The following PRIM2 variants were observed in gnomAD, a reference collection of about 807,000 sequenced individuals.
PRIM2 encodes DNA primase subunit 2, also known as DNA primase large subunit.
Under a neutral mutation model 67.3 loss-of-function variants are expected in PRIM2, and 39 were observed. That is an observed-to-expected ratio of 0.58 (90% CI 0.45 to 0.76). PRIM2 has a LOEUF of 0.76. PRIM2 is among the 30% of genes least tolerant of loss of function. PRIM2 has a pLI of 0.00. For synonymous variants in PRIM2, 143 were observed against 198.7 expected (o/e 0.72, Z 2.36); for missense variants, 398 against 598.7 (o/e 0.66, Z 3.50).
At chr6:57,531,926 A>C in intron 8 of PRIM2, among the ~76,000 whole-genome samples, 1 of 152,258 alleles carries the variant, frequency 6.6e-6, no homozygotes, top group Middle Eastern at 3.4e-3. Context: ...CTTTAACAAA[A>C]ATTCTTACAA....
the PRIM2 span, among the ~76,000 whole-genome samples, chr6:57,266,719 T>C: frequency 1.3e-5 from 2 of 152,204 alleles, no homozygotes; most frequent in Non-Finnish European, 2.9e-5. Flanking sequence ...CATTTTGTAG[T>C]GTAAAAATAG....
chr6:57,524,341 AG>A (rs1554349169), intron 8 of PRIM2, among the ~76,000 whole-genome samples: 1 of 152,224 alleles, frequency 6.6e-6, no homozygotes, highest in Non-Finnish European at 1.5e-5. Flanking sequence ...GAGACGGAAA[AG>A]TTCCTCAGGT....
intron 5 of PRIM2, among the ~76,000 whole-genome samples, chr6:57,378,371 C>CT (rs1370623394): frequency 6.6e-6 from 1 of 151,400 alleles, no homozygotes; most frequent in Non-Finnish European, 1.5e-5. Flanking sequence ...CAGCCTTTTG[C>CT]TTTTAAAAAA....
intron 10 of PRIM2, among the ~76,000 whole-genome samples, chr6:57,598,064 A>G (rs1196139603): frequency 2.0e-5 from 3 of 152,226 alleles, no homozygotes; most frequent in Non-Finnish European, 4.4e-5. Context: ...TCTAGTTATT[A>G]GAGTGAGAAC....
In PRIM2 at chr6:57,429,299, A is replaced by G. The variant is rs1771741786; in HGVS notation, c.693+47131A>G. Among the ~76,000 whole-genome samples the G allele has an allele frequency of 2.0e-5, 3 of 152,184 alleles. No individual in the cohort carries two copies. In the South Asian group the frequency reaches 6.2e-4, roughly 32 times the overall value. ...GGATGGAAAATTACTAAGAGAAAACATCAAGGCTGGAGGGACTCTTGCTAG... is the reference window on the plus strand; with the variant it reads ...GGATGGAAAATTACTAAGAGAAAACGTCAAGGCTGGAGGGACTCTTGCTAG... On this transcript the variant is annotated intron_variant, in intron 7 of 13. Coordinates refer to ENST00000615550, the MANE Select transcript of PRIM2 (RefSeq NM_000947.5).
the PRIM2 span, among the ~76,000 whole-genome samples, chr6:57,241,829 C>T: frequency 7.3e-5 from 11 of 151,144 alleles, no homozygotes; most frequent in East Asian, 7.8e-4. Flanking sequence ...CCCGCCACCA[C>T]GCCTGGCTAA....
chr6:57,501,003 A>G (rs1486551191), intron 7 of PRIM2, among the ~76,000 whole-genome samples: 5 of 152,224 alleles, frequency 3.3e-5, no homozygotes, highest in African/African-American at 1.2e-4. Context: ...AATATCTCTG[A>G]TAAAACCAAA....
At chr6:57,381,240 T>C (rs995390985) in intron 6 of PRIM2, among the ~76,000 whole-genome samples, 2 of 152,208 alleles carry the variant, frequency 1.3e-5, no homozygotes, top group African/African-American at 4.8e-5. Context: ...TAGTGTGAGA[T>C]GTCGTTGGAT....
rs977797952 is a variant in PRIM2, at chr6:57,367,051, A to T, written c.460-12850A>T. On this transcript the variant is annotated intron_variant, in intron 5 of 13. Coordinates refer to ENST00000615550, the MANE Select transcript of PRIM2 (RefSeq NM_000947.5). Reference sequence around the variant, plus strand: ...TCCAAATGTGCCTATGCTATTAAAAAAACAGTAATAAAGTAACCAGACAAT... The same window carrying T: ...TCCAAATGTGCCTATGCTATTAAAATAACAGTAATAAAGTAACCAGACAAT... Among the ~76,000 whole-genome samples the T allele has an allele frequency of 7.2e-5, 11 of 152,136 alleles. No homozygotes were observed. In the East Asian group the frequency reaches 1.7e-3, roughly 24 times the overall value.
intron 5 of PRIM2, among the ~76,000 whole-genome samples, chr6:57,357,566 A>T (rs1769071025): frequency 6.7e-6 from 1 of 149,010 alleles, no homozygotes; most frequent in East Asian, 2.0e-4. Context: ...ACATTTCCTT[A>T]AGTTTAGCGT....
At chr6:57,316,385 C>T (rs976978413), upstream of PRIM2, among the ~76,000 whole-genome samples, 3 of 152,132 alleles carry the variant, frequency 2.0e-5, no homozygotes, top group Non-Finnish European at 1.5e-5. Flanking sequence ...GCACTCCAGC[C>T]TGGGCGACAG....
intron 9 of PRIM2, among the ~76,000 whole-genome samples, chr6:57,533,158 C>T (rs1774928343): frequency 6.6e-6 from 1 of 151,898 alleles, no homozygotes; most frequent in Non-Finnish European, 1.5e-5. Flanking sequence ...GACAATTCAT[C>T]ATCCAGTGTA....
the PRIM2 span, among the ~76,000 whole-genome samples, chr6:57,260,664 G>C: frequency 6.6e-6 from 1 of 152,134 alleles, no homozygotes; most frequent in Admixed American, 6.5e-5. Flanking sequence ...GGGACTCTGG[G>C]CAAAGCCATG....
At chr6:57,498,484 C>CCACT (rs1477023856) in intron 7 of PRIM2, among the ~76,000 whole-genome samples, 1 of 152,058 alleles carries the variant, frequency 6.6e-6, no homozygotes, top group African/African-American at 2.4e-5. Flanking sequence ...GTAATAAATG[C>CCACT]CACTGCCCTA....
chr6:57,275,085 A>G, the PRIM2 span, among the ~76,000 whole-genome samples: 6 of 151,980 alleles, frequency 3.9e-5, no homozygotes, highest in African/African-American at 1.5e-4. Flanking sequence ...CCACATTTAT[A>G]CATGTGATGT....
At chr6:57,616,522 A>G (rs1173769435) in intron 12 of PRIM2, among the ~76,000 whole-genome samples, 1 of 152,234 alleles carries the variant, frequency 6.6e-6, no homozygotes, top group Admixed American at 6.5e-5. Flanking sequence ...ATTCTTATGT[A>G]CCTAAACTTA....
chr6:57,560,511 T>G (rs1480401861), intron 10 of PRIM2, among the ~76,000 whole-genome samples: 2 of 151,708 alleles, frequency 1.3e-5, no homozygotes, highest in African/African-American at 4.8e-5. Flanking sequence ...GTGAATTCTT[T>G]CCAGGTTTTC....
chr6:57,519,407 G>C (rs1362542042), intron 8 of PRIM2, among the ~76,000 whole-genome samples: 4 of 152,222 alleles, frequency 2.6e-5, no homozygotes, highest in Non-Finnish European at 5.9e-5. Context: ...CGCCCAGGGG[G>C]GCCGTTCATA....
chr6:57,298,424 A>G, the PRIM2 span, among the ~76,000 whole-genome samples: 1 of 152,244 alleles, frequency 6.6e-6, no homozygotes, highest in African/African-American at 2.4e-5. Flanking sequence ...AAAAACATCA[A>G]TTCACAGACT....
Sources: gnomAD v4.1 joint callset for allele counts (sites outside exome capture counted in the v4.1 genomes callset) on GRCh38, gnomAD v4.1.1 for gene constraint, MANE v1.5 for transcripts, NCBI Gene and HGNC (gene_info 2026-07-23, HGNC 2026-07-21) for gene names.